Variants in CKAP5 observed in about 807,000 individuals in gnomAD.
CKAP5 encodes cytoskeleton associated protein 5.
Under a neutral mutation model 232.8 loss-of-function variants are expected in CKAP5, and 27 were observed. The observed-to-expected ratio is 0.12, with a 90% CI of 0.09 to 0.16. The LOEUF (loss-of-function observed/expected upper bound fraction) is 0.16. Among genes scored for constraint, CKAP5 ranks in the 10% least tolerant of loss-of-function variants. The probability of loss-of-function intolerance (pLI) is 1.00; values close to 1 mark genes in which losing one functional copy is unlikely to be tolerated. For missense variants in CKAP5, 1,838 were observed against 2,424.7 expected (o/e 0.76, Z 5.08); for synonymous variants, 785 against 841.1 (o/e 0.93, Z 1.16).
chr11:46,796,643 C>T (rs1938883153), intron 12 of CKAP5, among the ~76,000 whole-genome samples, 169 bp downstream of exon 12: 1 of 151,882 alleles, frequency 6.6e-6, no homozygotes, highest in African/African-American at 2.4e-5. Flanking sequence ...GAGCATCCTC[C>T]AAAACTTGTT....
chr11:46,763,778 G>A (rs1247518222), intron 28 of CKAP5, 148 bp from the exon 29 acceptor site: 6 of 517,976 alleles, frequency 1.2e-5, no homozygotes, highest in South Asian at 6.2e-5. Context: ...AAATTTCAAG[G>A]TGTCATACTT....
chr11:46,753,761 A>ATT (rs537879375), intron 36 of CKAP5, among the ~76,000 whole-genome samples: 1 of 139,062 alleles, frequency 7.2e-6, no homozygotes, highest in Non-Finnish European at 1.6e-5. Context: ...TAATTTTTGT[A>ATT]TTTTTTTTTT....
Position 46,757,495 on chromosome 11 carries a change from A to T in CKAP5, c.4689+1428T>A, listed in dbSNP as rs543915798. On this transcript the variant is annotated intron_variant, in intron 35 of 43. Transcript: ENST00000529230. ...GCAACGGCGAGACTCCATCTCAAAA[A>T]AAAAATTACAAAAAAATTTTCATTT... Among the ~76,000 whole-genome samples the T allele has an allele frequency of 2.6e-5, 4 of 152,254 alleles. No homozygotes were observed. The South Asian group carries it at 6.2e-4, about 24-fold the overall frequency.
At chr11:46,837,885 C>T (rs1251089874) in intron 1 of CKAP5, among the ~76,000 whole-genome samples, 1 of 152,064 alleles carries the variant, frequency 6.6e-6, no homozygotes, top group African/African-American at 2.4e-5. Context: ...GTAGGTACTC[C>T]ACCCTAAGAT....
At chr11:46,779,377 C>G (rs955017171) in intron 20 of CKAP5, among the ~76,000 whole-genome samples, 1 of 152,210 alleles carries the variant, frequency 6.6e-6, no homozygotes, top group African/African-American at 2.4e-5. Flanking sequence ...AAGTGATCTG[C>G]CCGCCTTGGC....
intron 24 of CKAP5, among the ~76,000 whole-genome samples, chr11:46,772,742 T>G (rs930788279): frequency 5.3e-5 from 8 of 151,914 alleles, no homozygotes; most frequent in Non-Finnish European, 1.0e-4. Flanking sequence ...TCTTTTTTTT[T>G]TTTGTTTTTT....
intron 26 of CKAP5, among the ~76,000 whole-genome samples, chr11:46,767,918 TAGTAG>T (rs1300412188): frequency 6.6e-6 from 1 of 151,532 alleles, no homozygotes; most frequent in Non-Finnish European, 1.5e-5. Context: ...TCAGCCTCCC[TAGTAG>T]CTGGGACTAC....
At chr11:46,787,407 T>C (rs975009743) in intron 16 of CKAP5, among the ~76,000 whole-genome samples, 9 of 152,192 alleles carry the variant, frequency 5.9e-5, no homozygotes, top group Non-Finnish European at 1.3e-4. Context: ...TGAGGTCTAT[T>C]GTATGTACAT....
At chr11:46,751,041 C>A in intron 40 of CKAP5, 77 bp downstream of exon 40, 1 of 1,559,628 alleles carries the variant, frequency 6.4e-7, no homozygotes, top group Non-Finnish European at 8.8e-7. Flanking sequence ...AAAGCATATC[C>A]TGGTGACCTA....
In CKAP5 at chr11:46,801,279, A is replaced by G; in HGVS notation, c.1004T>C (p.Met335Thr). The G allele has an allele frequency of 6.2e-7, 1 of 1,613,582 alleles. No individual in the cohort carries two copies. The highest frequency in any genetic ancestry group is 1.1e-5 in the South Asian group (1 of 91,080). The change falls in exon 9 of 44, where the codon ATG (methionine) becomes ACG (threonine). Residue 335 changes from methionine to threonine, a missense_variant. This residue lies in a region of CKAP5 where 97 missense variants were observed against 167.7 expected (regional missense o/e 0.58). Transcript: ENST00000529230. ...ACATTTTGCTGCCAAAGCCACCAAC[A>G]TGACATTGGTGTCCTTTCCAACAAC... ...KKVVGKDTNV[M>T]LVALAAKCLT...
At chr11:46,783,818 G>C (rs1055444885) in intron 17 of CKAP5, among the ~76,000 whole-genome samples, 1 of 151,988 alleles carries the variant, frequency 6.6e-6, no homozygotes, top group African/African-American at 2.4e-5. Context: ...TGATTCTCCT[G>C]CCTCAGCCTC....
In CKAP5 at chr11:46,788,784, A is replaced by C; in HGVS notation, c.1876-11T>G. On this transcript the variant is annotated splice_polypyrimidine_tract_variant and intron_variant, in intron 15 of 43. Transcript: ENST00000529230. ...CATTAGCTCAACAGCCTTGAAGTAA[A>C]ATAAGAGAATAAGAGTTTAAGGGTT... 6.4e-7 allele frequency: 1 copy of C among 1,558,710 alleles called. No homozygotes were observed. Among genetic ancestry groups the C allele is most frequent in the South Asian group, 1.1e-5 (1 of 87,322 alleles).
chr11:46,784,468 A>C lies in CKAP5; in HGVS notation c.2154+20T>G. 1 of 1,582,398 alleles carries C rather than the reference A, an allele frequency of 6.3e-7. No homozygotes were observed. The highest frequency in any genetic ancestry group is 8.6e-7 in the Non-Finnish European group (1 of 1,162,422). On this transcript the variant is annotated intron_variant, in intron 17 of 43. Transcript: ENST00000529230. ...AAAAAATTGGGAAAACTAGAGGAAT[A>C]AGACTTCTGTGTCACTAACCTGTTC... is the stretch of plus-strand genomic sequence containing the variant.
intron 26 of CKAP5, among the ~76,000 whole-genome samples, chr11:46,768,053 C>T (rs1183636990): frequency 6.6e-6 from 1 of 152,072 alleles, no homozygotes; most frequent in East Asian, 1.9e-4. Flanking sequence ...ACCTTGGCTT[C>T]CCAAAGTGCT....
chr11:46,790,031 T>C, intron 15 of CKAP5, 45 bp downstream of exon 15: 4 of 1,283,414 alleles, frequency 3.1e-6, no homozygotes, highest in Non-Finnish European at 4.5e-6. Context: ...GCTGCTTCCA[T>C]ATAATCTAAT....
In CKAP5 at chr11:46,824,424, A is replaced by G. The variant is rs575281900; in HGVS notation, c.-37-3156T>C. Among the ~76,000 whole-genome samples the G allele has an allele frequency of 4.0e-4, 61 of 152,298 alleles. No individual in the cohort carries two copies. The South Asian group carries it at 4.3e-3, about 11-fold the overall frequency. ...CCTACCACCCAGCAACTCCATTCCT[A>G]GGTGTATAGCCTAGAAACTGATGCA... On this transcript the variant is annotated intron_variant, in intron 1 of 43. Coordinates refer to ENST00000529230, the MANE Select transcript of CKAP5 (RefSeq NM_001008938.4).
At chr11:46,776,953 A>C (rs2065296541) in intron 23 of CKAP5, among the ~76,000 whole-genome samples, 1 of 152,182 alleles carries the variant, frequency 6.6e-6, no homozygotes, top group Non-Finnish European at 1.5e-5. Flanking sequence ...GACTTCTAGA[A>C]CTATGAAACT....
At chr11:46,746,577 T>G (rs1292114370) in intron 42 of CKAP5, among the ~76,000 whole-genome samples, 1 of 152,180 alleles carries the variant, frequency 6.6e-6, no homozygotes, top group African/African-American at 2.4e-5. Context: ...TAACACAAAG[T>G]ATTTATGTAT....
Position 46,790,165 on chromosome 11 carries a change from C to A in CKAP5, c.1786G>T (p.Ala596Ser), listed in dbSNP as rs1460444469. 6.2e-7 allele frequency: 1 copy of A among 1,607,470 alleles called. No homozygotes were observed. Among genetic ancestry groups the A allele is most frequent in the East Asian group, 2.2e-5 (1 of 44,744 alleles). ...ELSIEVCEEK[A>S]SAVLPPTCIQ... is the part of the protein sequence containing the mutation. ...CAGGTAGGGGGAAGAACAGCTGAAGCTTTTTCTTCACATACTTCTATCTGT... is the reference window on the plus strand; with the variant it reads ...CAGGTAGGGGGAAGAACAGCTGAAGATTTTTCTTCACATACTTCTATCTGT... Residue 596 changes from alanine to serine, a missense_variant, in exon 15 of 44, where the codon GCT (alanine) becomes TCT (serine). Ala to Ser is a moderately conservative substitution (Grantham distance 99). Around this residue, in one of 6 missense-constraint regions of CKAP5, gnomAD observed 767 missense variants for 954.6 expected, o/e 0.80. Coordinates refer to ENST00000529230, the MANE Select transcript of CKAP5 (RefSeq NM_001008938.4).
Sources: allele counts gnomAD v4.1 joint callset (sites outside exome capture counted in the v4.1 genomes callset), GRCh38; gene constraint gnomAD v4.1.1; regional missense constraint gnomAD v4.1.1; transcripts MANE v1.5; gene names NCBI Gene and HGNC (gene_info 2026-07-23, HGNC 2026-07-21).